Variants in FRAS1 observed in about 807,000 individuals in gnomAD.
FRAS1 encodes Fraser extracellular matrix complex subunit 1.
In FRAS1, 290 loss-of-function variants were observed where a neutral mutation model predicts 435.2. That is an observed-to-expected ratio of 0.67 (90% CI 0.61 to 0.73). The LOEUF (loss-of-function observed/expected upper bound fraction) is 0.73. Ranked by LOEUF, FRAS1 falls within the 30% of genes least tolerant of loss-of-function variation. The probability of loss-of-function intolerance (pLI) is 0.00; values close to 1 mark genes in which losing one functional copy is unlikely to be tolerated. For missense variants in FRAS1, 4,860 were observed against 5,001.5 expected (o/e 0.97, Z 0.85); for synonymous variants, 1,800 against 1,851.0 (o/e 0.97, Z 0.71).
Position 78,100,179 on chromosome 4 carries a change from G to A in FRAS1, c.108+34163G>A, listed in dbSNP as rs1300020707. On this transcript the variant is annotated intron_variant, in intron 2 of 73. Coordinates refer to ENST00000512123, the MANE Select transcript of FRAS1 (RefSeq NM_025074.7). ...GCAAATACAGTAGCTTTCACTTACT[G>A]TTATGTGAAAGGAATCAGACATAGT... Among the ~76,000 whole-genome samples, 11 of 152,312 alleles carry A rather than the reference G, an allele frequency of 7.2e-5. No homozygotes were observed. The South Asian group carries it at 1.4e-3, about 20-fold the overall frequency.
intron 20 of FRAS1, among the ~76,000 whole-genome samples, chr4:78,341,445 A>T (rs1730394192): frequency 1.3e-5 from 2 of 152,256 alleles, no homozygotes; most frequent in Middle Eastern, 3.4e-3. Context: ...TGAGGCAGAA[A>T]GTTCTTTAGG....
intron 2 of FRAS1, among the ~76,000 whole-genome samples, chr4:78,081,736 G>T (rs570929847): frequency 1.3e-5 from 2 of 152,224 alleles, no homozygotes; most frequent in African/African-American, 4.8e-5. Context: ...AGTTAAGGAA[G>T]TCCAGGCCTG....
intron 22 of FRAS1, among the ~76,000 whole-genome samples, chr4:78,365,883 T>C (rs1014901035): frequency 4.0e-5 from 6 of 151,566 alleles, no homozygotes; most frequent in Admixed American, 3.3e-4. Flanking sequence ...GTGAATCGCT[T>C]GAACCTGGGA....
intron 2 of FRAS1, among the ~76,000 whole-genome samples, chr4:78,169,017 G>A (rs1179930409): frequency 2.0e-5 from 3 of 152,090 alleles, no homozygotes; most frequent in African/African-American, 7.2e-5. Context: ...GGTGCAGATT[G>A]TGATCCGGGC....
chr4:78,366,265 C>A (rs1359645873), intron 22 of FRAS1, among the ~76,000 whole-genome samples: 1 of 152,174 alleles, frequency 6.6e-6, no homozygotes, highest in Non-Finnish European at 1.5e-5. Context: ...GTACTTGAAA[C>A]CATAGTGCTT....
chr4:78,364,052 A>G lies in FRAS1; in HGVS notation c.2720A>G (p.Gln907Arg), dbSNP rs903223299. The change falls in exon 22 of 74, where the codon CAG becomes CGG. Residue 907 changes from glutamine (Q) to arginine (R), a missense_variant and splice_region_variant. Transcript: ENST00000512123. ...GHYLDDNHVC[Q>R]PCNTHCGSCD... Reference sequence around the variant, plus strand: ...TATCTTGATGACAATCATGTTTGCCAGCGTAGGTTTTTCCAATGAACCTTC... The same window carrying G: ...TATCTTGATGACAATCATGTTTGCCGGCGTAGGTTTTTCCAATGAACCTTC... The G allele has an allele frequency of 6.3e-6, 10 of 1,579,784 alleles. No individual in the cohort carries two copies. The African/African-American group carries it at 8.1e-5, about 13-fold the overall frequency.
chr4:78,526,311 A>G (rs932090210), intron 69 of FRAS1, among the ~76,000 whole-genome samples: 4 of 152,212 alleles, frequency 2.6e-5, no homozygotes. Flanking sequence ...GAAGGACCTG[A>G]ATACCTGAAT....
chr4:78,451,443 A>G (rs1052065450), intron 45 of FRAS1, among the ~76,000 whole-genome samples: 1 of 152,126 alleles, frequency 6.6e-6, no homozygotes, highest in Admixed American at 6.6e-5. Flanking sequence ...GTCAGTGCAC[A>G]TTTACACATG....
At chr4:78,315,566 C>T in intron 15 of FRAS1, 28 bp from the exon 16 acceptor site, 1 of 1,593,692 alleles carries the variant, frequency 6.3e-7, no homozygotes, top group African/African-American at 1.3e-5. Context: ...TATTGCCTTT[C>T]TCTGATGGGT....
At position 78,057,416 on chromosome 4, in the gene FRAS1, C is replaced by A. The variant is rs1357730515; in HGVS notation, c.-594C>A. On this transcript the variant is annotated 5_prime_UTR_variant, in exon 1 of 74. The change creates a new upstream start codon in the 5' untranslated region. Coordinates refer to ENST00000512123, the MANE Select transcript of FRAS1 (RefSeq NM_025074.7). This position sits in a 1 kb window ranked among gnomAD's most constrained non-coding sequence, Gnocchi z 4.2. Reference sequence around the variant, plus strand: ...CTGCAGGGCGGGCGAGTCCCCGGAGCTGCCCTCAGCGCTGCACAGTTTCCA... The same window carrying A: ...CTGCAGGGCGGGCGAGTCCCCGGAGATGCCCTCAGCGCTGCACAGTTTCCA... Among the ~76,000 whole-genome samples, 1 of 152,172 alleles carries A rather than the reference C, an allele frequency of 6.6e-6. No homozygotes were observed.
At chr4:78,304,544 CCT>C (rs1300335414) in intron 14 of FRAS1, among the ~76,000 whole-genome samples, 1 of 152,002 alleles carries the variant, frequency 6.6e-6, no homozygotes, top group Admixed American at 6.5e-5. Flanking sequence ...AATTTCAGCT[CCT>C]GTTATTGGTC....
intron 2 of FRAS1, among the ~76,000 whole-genome samples, chr4:78,102,919 G>T (rs17002940): frequency 0.061 from 9,237 of 152,224 alleles, 763 homozygotes; most frequent in African/African-American, 0.19. Flanking sequence ...TTTTGGAAAT[G>T]GCATGGGGTG....
At chr4:78,320,651 C>G (rs1264648749) in intron 18 of FRAS1, among the ~76,000 whole-genome samples, 1 of 151,874 alleles carries the variant, frequency 6.6e-6, no homozygotes, top group Admixed American at 6.6e-5. Flanking sequence ...CTCTCTCCCT[C>G]CCTCCTTCTG....
chr4:78,526,202 G>A (rs1001936096), intron 69 of FRAS1, among the ~76,000 whole-genome samples: 4 of 152,178 alleles, frequency 2.6e-5, no homozygotes, highest in Non-Finnish European at 4.4e-5. Context: ...TGTCAAACAA[G>A]TCTCATGAAA....
At chr4:78,408,778 T>C (rs920047864) in intron 31 of FRAS1, among the ~76,000 whole-genome samples, 2 of 152,194 alleles carry the variant, frequency 1.3e-5, no homozygotes, top group African/African-American at 4.8e-5. Context: ...TTTATAAAAA[T>C]TGGTCAAATA....
intron 30 of FRAS1, 76 bp from the exon 31 acceptor site, chr4:78,407,587 G>T (rs1392159601): frequency 4.4e-6 from 5 of 1,148,732 alleles, no homozygotes; most frequent in Non-Finnish European, 6.1e-6. Flanking sequence ...AAAAAAAAAT[G>T]AGTAGTAGGA....
intron 25 of FRAS1, among the ~76,000 whole-genome samples, chr4:78,374,783 C>G (rs1235712312): frequency 6.6e-6 from 1 of 152,180 alleles, no homozygotes; most frequent in African/African-American, 2.4e-5. Flanking sequence ...TCTATCAAAA[C>G]TTGGTTCGTA....
chr4:78,242,895 G>A (rs2110121003), intron 3 of FRAS1, among the ~76,000 whole-genome samples: 1 of 152,186 alleles, frequency 6.6e-6, no homozygotes, highest in East Asian at 1.9e-4. Context: ...CACAGGTCGT[G>A]GATTCTATAT....
chr4:78,391,399 C>T (rs1481247212), intron 29 of FRAS1, among the ~76,000 whole-genome samples: 1 of 152,180 alleles, frequency 6.6e-6, no homozygotes, highest in East Asian at 1.9e-4. Flanking sequence ...GAATGCGTTG[C>T]TGAACAGGCT....
Sources: gnomAD v4.1 joint callset for allele counts (sites outside exome capture counted in the v4.1 genomes callset) on GRCh38, gnomAD v4.1.1 for gene constraint, Gnocchi (gnomAD v3.1) non-coding constraint, MANE v1.5 for transcripts, NCBI Gene and HGNC (gene_info 2026-07-23, HGNC 2026-07-21) for gene names.